Variants in ADAMTS17 observed in about 807,000 individuals in gnomAD.
ADAMTS17 encodes the protein ADAM metallopeptidase with thrombospondin type 1 motif 17.
Under a neutral mutation model 141.5 loss-of-function variants are expected in ADAMTS17, and 113 were observed. The ratio of observed to expected loss-of-function variants is 0.80; its 90% confidence interval spans 0.69 to 0.93. The LOEUF is 0.93. Among genes scored for constraint, ADAMTS17 ranks in the 40% least tolerant of loss-of-function variants. The pLI, the probability that ADAMTS17 is intolerant of heterozygous loss-of-function variation, is 0.00. For missense variants in ADAMTS17, 1,659 were observed against 1,517.9 expected, an observed-to-expected ratio of 1.09 and a Z score of -1.54; for synonymous variants, 768 against 630.6, an observed-to-expected ratio of 1.22 and a Z score of -3.27.
In ADAMTS17 at chr15:100,261,492, C is replaced by G. The variant is rs540647222; in HGVS notation, c.1018G>C (p.Val340Leu). The G allele has an allele frequency of 6.2e-7, 1 of 1,613,996 alleles. No individual in the cohort carries two copies. The highest frequency in any genetic ancestry group is 8.5e-7 in the Non-Finnish European group (1 of 1,180,036). Residue 340 changes from valine to leucine, a missense_variant, in exon 6 of 22, where the codon GTG becomes CTG. Physicochemically the swap from Val to Leu is conservative, Grantham distance 32. Coordinates refer to ENST00000268070, the MANE Select transcript of ADAMTS17 (RefSeq NM_139057.4). ...KDDPPLVDAA[V>L]FVTRTDFCVH... ...ATCCCATCTTACCTGGTCACAAACA[C>G]GGCAGCATCCACCAGGGGCGGGTCG...
At chr15:100,275,165 A>C (rs2044037790) in intron 4 of ADAMTS17, among the ~76,000 whole-genome samples, 1 of 152,246 alleles carries the variant, frequency 6.6e-6, no homozygotes, top group African/African-American at 2.4e-5. Flanking sequence ...CTCGTTCCAC[A>C]AGGCACGTAA....
intron 12 of ADAMTS17, chr15:100,129,158 G>A (rs1237641212): frequency 1.3e-5 from 2 of 152,182 alleles, no homozygotes; most frequent in Non-Finnish European, 2.9e-5. Flanking sequence ...GGTGTCACCT[G>A]TTATGAGATA....
chr15:100,096,486 C>G lies in ADAMTS17; in HGVS notation c.2017-10G>C, dbSNP rs765531556. 3.8e-5 allele frequency: 61 copies of G among 1,614,058 alleles called. No homozygotes were observed. Among genetic ancestry groups the G allele is most frequent in the Non-Finnish European group, 5.2e-5 (61 of 1,180,016 alleles). On this transcript the variant is annotated splice_polypyrimidine_tract_variant and intron_variant, in intron 14 of 21. Coordinates refer to ENST00000268070, the MANE Select transcript of ADAMTS17 (RefSeq NM_139057.4). ...CGTCACAGCCGATTTTCTAAAGAAC[C>G]AGAGGGCCTCATTATTCTGTGGTTA...
At chr15:100,292,329 C>T (rs1197192153) in intron 3 of ADAMTS17, among the ~76,000 whole-genome samples, 5 of 151,864 alleles carry the variant, frequency 3.3e-5, no homozygotes, top group Non-Finnish European at 7.4e-5. Context: ...ACACTCAGCC[C>T]GTGTGGAATT....
Position 100,132,212 on chromosome 15 carries a change from C to T in ADAMTS17, c.1576-60G>A, listed in dbSNP as rs1324519272. The T allele has an allele frequency of 5.1e-5, 80 of 1,580,152 alleles. No homozygotes were observed. In the Admixed American group the frequency reaches 8.9e-4, roughly 18 times the overall value. ...CTCAGCAGAGCTGCTCACTCCAGCC[C>T]GCCAGGCCCCAAAATGCCGTGCTGC... On this transcript the variant is annotated intron_variant, in intron 11 of 21. Transcript: ENST00000268070.
intron 18 of ADAMTS17, among the ~76,000 whole-genome samples, chr15:100,020,061 C>T (rs1341242026): frequency 3.9e-5 from 6 of 152,158 alleles, no homozygotes; most frequent in South Asian, 4.2e-4. Flanking sequence ...CAGCCGGAAT[C>T]GTACCCATCA....
chr15:100,135,416 T>C (rs536176243), intron 10 of ADAMTS17, among the ~76,000 whole-genome samples: 35 of 152,110 alleles, frequency 2.3e-4, no homozygotes, highest in African/African-American at 8.2e-4. Flanking sequence ...TCCGAGTAGC[T>C]GGGACCACAG....
chr15:100,170,928 A>C (rs1203172164), intron 8 of ADAMTS17, among the ~76,000 whole-genome samples: 1 of 152,198 alleles, frequency 6.6e-6, no homozygotes, highest in African/African-American at 2.4e-5. Context: ...CACTAAAATA[A>C]GTACATGGTA....
At chr15:100,087,499 T>G (rs1408885369) in intron 15 of ADAMTS17, among the ~76,000 whole-genome samples, 1 of 152,164 alleles carries the variant, frequency 6.6e-6, no homozygotes, top group East Asian at 1.9e-4. Flanking sequence ...GAGGCCAGCA[T>G]CATCCTGATA....
At chr15:100,055,721 A>G (rs62041051) in intron 15 of ADAMTS17, among the ~76,000 whole-genome samples, 42,525 of 152,128 alleles carry the variant, frequency 0.28, 6,306 homozygotes, top group East Asian at 0.56. Context: ...ATGTTGGGAC[A>G]CCCACAGTTT....
intron 12 of ADAMTS17, among the ~76,000 whole-genome samples, chr15:100,117,474 A>G (rs975146107): frequency 2.6e-5 from 4 of 152,180 alleles, no homozygotes; most frequent in Admixed American, 6.5e-5. Context: ...CATTTACTTT[A>G]TAATGAAAAG....
At chr15:100,143,010 G>A (rs1386085336) in intron 10 of ADAMTS17, among the ~76,000 whole-genome samples, 1 of 152,218 alleles carries the variant, frequency 6.6e-6, no homozygotes, top group East Asian at 1.9e-4. Context: ...CTGTGTGGCA[G>A]CCATGCCTGG....
At chr15:100,164,641 C>G (rs539260201) in intron 8 of ADAMTS17, among the ~76,000 whole-genome samples, 107 of 152,276 alleles carry the variant, frequency 7.0e-4, no homozygotes, top group Non-Finnish European at 9.6e-4. Context: ...CAGGTGCTCT[C>G]AGAGAGCTGT....
intron 16 of ADAMTS17, among the ~76,000 whole-genome samples, chr15:100,052,351 G>A (rs184128885): frequency 6.6e-6 from 1 of 152,274 alleles, no homozygotes; most frequent in East Asian, 1.9e-4. Context: ...AGAGGCAAAG[G>A]GGCACCTCTC....
intron 20 of ADAMTS17, among the ~76,000 whole-genome samples, chr15:99,977,996 GGTGGAGAGAGGGGAGCAGGGC>G (rs2060401601): frequency 6.6e-6 from 1 of 152,214 alleles, no homozygotes; most frequent in South Asian, 2.1e-4. Flanking sequence ...TGGCACCTGG[GGTGGAGAGAGGGGAGCAGGGC>G]GTGGAGGGTT....
At chr15:100,304,343 G>A (rs543337310) in intron 3 of ADAMTS17, among the ~76,000 whole-genome samples, 28 of 152,224 alleles carry the variant, frequency 1.8e-4, no homozygotes, top group African/African-American at 5.8e-4. Flanking sequence ...TGAGTAGCCC[G>A]TTTTGTCTGT....
At position 100,116,814 on chromosome 15, in the gene ADAMTS17, G is replaced by A. The variant is rs750358964; in HGVS notation, c.1888+33C>T. 3.1e-6 allele frequency: 5 copies of A among 1,613,736 alleles called. No individual in the cohort carries two copies. The South Asian group carries it at 4.4e-5, about 14-fold the overall frequency. ...TTATATTCTTAGGGGAGGACAGGAG[G>A]CTGCCATGCAAGGACATGCCATATG... is the stretch of plus-strand genomic sequence containing the variant. On this transcript the variant is annotated intron_variant, in intron 13 of 21. Transcript: ENST00000268070.
intron 7 of ADAMTS17, among the ~76,000 whole-genome samples, chr15:100,221,098 G>A (rs1440060554): frequency 1.3e-5 from 2 of 151,914 alleles, no homozygotes; most frequent in African/African-American, 4.8e-5. Flanking sequence ...CATGCTTCCT[G>A]ATTTCCAATT....
chr15:100,017,541 G>A (rs193207202), intron 18 of ADAMTS17, among the ~76,000 whole-genome samples: 2,338 of 152,292 alleles, frequency 0.015, 53 homozygotes, highest in African/African-American at 0.051. Flanking sequence ...GGCCTTTCCC[G>A]CTGCTTCCTC....
Sources: allele counts gnomAD v4.1 joint callset (sites outside exome capture counted in the v4.1 genomes callset), GRCh38; gene constraint gnomAD v4.1.1; transcripts MANE v1.5; gene names NCBI Gene and HGNC (gene_info 2026-07-23, HGNC 2026-07-21).